Variants in IQCM observed in about 807,000 individuals in gnomAD.
The protein encoded by IQCM is IQ motif containing M, also known as IQ domain-containing protein M.
A neutral mutation model predicts 57.6 loss-of-function variants in IQCM; 45 were observed. That is an observed-to-expected ratio of 0.78 (90% CI 0.62 to 1.00). The LOEUF (loss-of-function observed/expected upper bound fraction) is 1.00. IQCM is among the 50% of genes least tolerant of loss of function. The pLI, the probability that IQCM is intolerant of heterozygous loss-of-function variation, is 0.00. For missense variants in IQCM, 468 were observed against 511.6 expected (o/e 0.91, Z 0.82); for synonymous variants, 148 against 158.9 (o/e 0.93, Z 0.51).
intron 8 of IQCM, among the ~76,000 whole-genome samples, chr4:149,609,129 T>C (rs1380243462): frequency 6.6e-6 from 1 of 151,646 alleles, no homozygotes; most frequent in Non-Finnish European, 1.5e-5. Context: ...TGCTAATTAA[T>C]TGGAAAGCCT....
chr4:149,577,727 C>T (rs565735377), intron 9 of IQCM, among the ~76,000 whole-genome samples: 3 of 151,780 alleles, frequency 2.0e-5, no homozygotes, highest in Admixed American at 6.6e-5. Context: ...TTCTTGGTTC[C>T]ATATGAATTT....
At chr4:149,797,491 G>A (rs540386434) in intron 2 of IQCM, among the ~76,000 whole-genome samples, 62 of 152,006 alleles carry the variant, frequency 4.1e-4, no homozygotes, top group African/African-American at 1.4e-3. Flanking sequence ...AAGAGATAGG[G>A]GTGGAAAGCT....
At chr4:149,577,614 G>C (rs1194427172) in intron 9 of IQCM, among the ~76,000 whole-genome samples, 1 of 151,906 alleles carries the variant, frequency 6.6e-6, no homozygotes, top group Non-Finnish European at 1.5e-5. Flanking sequence ...CCAGTATTGT[G>C]CTGTTTTGGT....
chr4:149,374,492 A>G (rs538333533), intron 13 of IQCM, among the ~76,000 whole-genome samples: 3 of 152,122 alleles, frequency 2.0e-5, no homozygotes, highest in East Asian at 3.9e-4. Context: ...AACTTCACCC[A>G]TTCACTACTC....
intron 2 of IQCM, among the ~76,000 whole-genome samples, chr4:149,770,548 A>C (rs910029128): frequency 6.6e-6 from 1 of 152,128 alleles, no homozygotes; most frequent in Non-Finnish European, 1.5e-5. Context: ...ATTAGTAAAT[A>C]AAATTTGGTA....
chr4:149,695,621 A>G (rs970000879), intron 5 of IQCM, among the ~76,000 whole-genome samples: 7 of 152,200 alleles, frequency 4.6e-5, no homozygotes, highest in East Asian at 1.9e-4. Flanking sequence ...TATAGTGTCA[A>G]TATATTTTTA....
intron 11 of IQCM, among the ~76,000 whole-genome samples, chr4:149,549,880 G>A (rs1415616863): frequency 6.6e-6 from 1 of 152,168 alleles, no homozygotes. Context: ...GACATATTTA[G>A]TGATTGTCTA....
chr4:149,765,723 A>G (rs1769980673), intron 2 of IQCM, among the ~76,000 whole-genome samples: 1 of 152,124 alleles, frequency 6.6e-6, no homozygotes, highest in Non-Finnish European at 1.5e-5. Flanking sequence ...CTCAGGAGTC[A>G]TGTAACCAGA....
intron 7 of IQCM, among the ~76,000 whole-genome samples, chr4:149,648,897 TA>T (rs905925627): frequency 1.1e-4 from 17 of 148,602 alleles, no homozygotes; most frequent in African/African-American, 3.7e-4. Context: ...TAAAGTATAA[TA>T]AAAAAAAGAA....
At chr4:149,415,169 T>C (rs568003634) in intron 13 of IQCM, among the ~76,000 whole-genome samples, 27 of 152,300 alleles carry the variant, frequency 1.8e-4, no homozygotes, top group Non-Finnish European at 3.2e-4. Flanking sequence ...AAAATGCATG[T>C]AGAGAAGGAT....
At chr4:149,505,652 A>G (rs1743731968) in intron 12 of IQCM, among the ~76,000 whole-genome samples, 1 of 152,168 alleles carries the variant, frequency 6.6e-6, no homozygotes, top group Admixed American at 6.5e-5. Flanking sequence ...TCATTTTTCC[A>G]TGTCTATATA....
intron 8 of IQCM, among the ~76,000 whole-genome samples, chr4:149,592,072 C>T (rs1205456566): frequency 6.6e-6 from 1 of 152,198 alleles, no homozygotes; most frequent in Non-Finnish European, 1.5e-5. Flanking sequence ...GTCCCACCAA[C>T]AGTGTAAAAG....
intron 7 of IQCM, among the ~76,000 whole-genome samples, chr4:149,668,012 T>C (rs1465377534): frequency 6.6e-6 from 1 of 152,066 alleles, no homozygotes; most frequent in East Asian, 1.9e-4. Context: ...TTCAGGATAT[T>C]ATCCAGGAGA....
chr4:149,510,305 T>C (rs1744274809), intron 12 of IQCM, among the ~76,000 whole-genome samples: 1 of 152,174 alleles, frequency 6.6e-6, no homozygotes, highest in African/African-American at 2.4e-5. Flanking sequence ...ATTGGCCTAT[T>C]TTTCTAGTCA....
At chr4:149,623,921 A>G (rs942811380) in intron 7 of IQCM, among the ~76,000 whole-genome samples, 1 of 152,246 alleles carries the variant, frequency 6.6e-6, no homozygotes, top group Admixed American at 6.5e-5. Context: ...CATCAGTTTA[A>G]CAAGGAGTTA....
chr4:149,708,386 T>C (rs1764315528), intron 5 of IQCM, among the ~76,000 whole-genome samples: 1 of 151,880 alleles, frequency 6.6e-6, no homozygotes, highest in Non-Finnish European at 1.5e-5. Flanking sequence ...AACTTGAAGA[T>C]TTAAGTGCCA....
At chr4:149,731,568 G>A (rs969011778) in intron 5 of IQCM, among the ~76,000 whole-genome samples, 2 of 152,142 alleles carry the variant, frequency 1.3e-5, no homozygotes, top group African/African-American at 4.8e-5. Flanking sequence ...CAGTCTAGAA[G>A]CCTCAATATC....
chr4:149,751,470 T>C (rs528417645), intron 2 of IQCM, among the ~76,000 whole-genome samples: 6 of 152,312 alleles, frequency 3.9e-5, no homozygotes, highest in African/African-American at 1.4e-4. Flanking sequence ...CATTCCAGTC[T>C]GCCTGAGATT....
chr4:149,674,840 A>C (rs994300599), intron 7 of IQCM, among the ~76,000 whole-genome samples: 33 of 152,084 alleles, frequency 2.2e-4, no homozygotes, highest in African/African-American at 6.3e-4. Flanking sequence ...GATCTGGATA[A>C]AATTACAAGA....
Sources: gnomAD v4.1 joint callset for allele counts (sites outside exome capture counted in the v4.1 genomes callset) on GRCh38, gnomAD v4.1.1 for gene constraint, MANE v1.5 for transcripts, NCBI Gene and HGNC (gene_info 2026-07-23, HGNC 2026-07-21) for gene names.